The following LYPD6 variants were observed in gnomAD, a reference collection of about 807,000 sequenced individuals.
The protein encoded by LYPD6 is ly6/PLAUR domain-containing protein 6.
LYPD6 carries 15 observed loss-of-function variants against 22.7 expected under a neutral mutation model. The observed-to-expected ratio is 0.66, with a 90% CI of 0.44 to 1.02. LYPD6 has a LOEUF of 1.02. Among genes scored for constraint, LYPD6 ranks in the 50% least tolerant of loss-of-function variants. LYPD6 has a pLI of 0.00. For synonymous variants in LYPD6, 72 were observed against 77.5 expected, an observed-to-expected ratio of 0.93 and a Z score of 0.37; for missense variants, 189 against 208.4, an observed-to-expected ratio of 0.91 and a Z score of 0.57.
intron 1 of LYPD6, among the ~76,000 whole-genome samples, chr2:149,346,251 T>C (rs1353942268): frequency 1.4e-5 from 2 of 144,470 alleles, no homozygotes; most frequent in East Asian, 5.7e-4. Context: ...AATGTTTGTT[T>C]TTCTATTTAA....
intron 1 of LYPD6, among the ~76,000 whole-genome samples, chr2:149,422,595 T>G (rs1292615650): frequency 6.6e-6 from 1 of 152,180 alleles, no homozygotes. Flanking sequence ...ATACTTAAGA[T>G]TTTTTAGTGA....
At chr2:149,401,855 T>A (rs1295247664) in intron 1 of LYPD6, among the ~76,000 whole-genome samples, 1 of 152,038 alleles carries the variant, frequency 6.6e-6, no homozygotes, top group Non-Finnish European at 1.5e-5. Context: ...CTTTTATCCC[T>A]TGCCACCCCC....
At chr2:149,336,548 A>G (rs905732173) in intron 1 of LYPD6, among the ~76,000 whole-genome samples, 1 of 152,200 alleles carries the variant, frequency 6.6e-6, no homozygotes, top group African/African-American at 2.4e-5. Context: ...CTCTGTATTA[A>G]TGTGATGCTA....
At chr2:149,368,139 C>G (rs1280410674) in intron 1 of LYPD6, 1 of 152,194 alleles carries the variant, frequency 6.6e-6, no homozygotes, top group Non-Finnish European at 1.5e-5. Flanking sequence ...GGCTGTAAAC[C>G]TAATCCTAAG....
intron 1 of LYPD6, among the ~76,000 whole-genome samples, chr2:149,402,190 C>T (rs973785551): frequency 6.6e-6 from 1 of 150,874 alleles, no homozygotes; most frequent in African/African-American, 2.4e-5. Context: ...GCCATTATTT[C>T]ATTCCTTTTT....
At chr2:149,475,133 C>T (rs931862650), downstream of LYPD6, among the ~76,000 whole-genome samples, 5 of 152,146 alleles carry the variant, frequency 3.3e-5, no homozygotes, top group South Asian at 8.3e-4. Context: ...CATGCGAGCT[C>T]TATAAAAGTT....
In LYPD6 at chr2:149,381,209, G is replaced by C. The variant is rs146933044; in HGVS notation, c.-72+50487G>C. Among the ~76,000 whole-genome samples, 5 of 152,320 alleles carry C rather than the reference G, an allele frequency of 3.3e-5. No individual in the cohort carries two copies. In the East Asian group the frequency reaches 7.7e-4, roughly 24 times the overall value. ...GAGAAGAATAGTCTGGTACCTTATA[G>C]GGGAACTTCAGTCAGGAGGATTCTG... On this transcript the variant is annotated intron_variant, in intron 1 of 4. Transcript: ENST00000334166.
the LYPD6 span, among the ~76,000 whole-genome samples, chr2:149,481,951 G>A: frequency 1.3e-5 from 2 of 152,096 alleles, no homozygotes; most frequent in Admixed American, 6.5e-5. Context: ...GTTGCTTTTA[G>A]CCCAGATCAG....
Position 149,437,736 on chromosome 2 carries a change from C to T in LYPD6, c.28C>T (p.Leu10Phe). 6.2e-7 allele frequency: 1 copy of T among 1,614,194 alleles called. No homozygotes were observed. Among genetic ancestry groups the T allele is most frequent in the African/African-American group, 1.3e-5 (1 of 75,066 alleles). Reference protein sequence around the residue: MEPGPALAWLLLLSLLADCL... With the variant: MEPGPALAWFLLLSLLADCL... Reference sequence around the variant, plus strand: ...GGAACCTGGCCCTGCTCTGGCCTGGCTCCTGCTCCTGAGCCTGCTGGCGGA... The same window carrying T: ...GGAACCTGGCCCTGCTCTGGCCTGGTTCCTGCTCCTGAGCCTGCTGGCGGA... The change falls in exon 2 of 5, where the codon CTC (leucine) becomes TTC (phenylalanine). Residue 10 changes from leucine to phenylalanine, a missense_variant. Physicochemically the swap from Leu to Phe is conservative, Grantham distance 22 (BLOSUM62 0). Coordinates refer to ENST00000334166, the MANE Select transcript of LYPD6 (RefSeq NM_194317.5).
At chr2:149,438,917 A>G (rs1683494943) in intron 2 of LYPD6, among the ~76,000 whole-genome samples, 1 of 152,248 alleles carries the variant, frequency 6.6e-6, no homozygotes, top group South Asian at 2.1e-4. Flanking sequence ...TAAATTAAAA[A>G]TGTGTATGAA....
chr2:149,432,343 A>C (rs1216967696), intron 1 of LYPD6, among the ~76,000 whole-genome samples: 2 of 152,228 alleles, frequency 1.3e-5, no homozygotes, highest in Non-Finnish European at 1.5e-5. Context: ...AGTGAAAATC[A>C]CCCAATGTCT....
intron 1 of LYPD6, among the ~76,000 whole-genome samples, chr2:149,391,369 T>TC (rs563409939): frequency 3.3e-5 from 5 of 151,744 alleles, no homozygotes; most frequent in Admixed American, 1.3e-4. Flanking sequence ...CTCCCTTTTT[T>TC]CCCCCCCGAT....
intron 3 of LYPD6, among the ~76,000 whole-genome samples, chr2:149,466,213 A>G (rs2105179815): frequency 6.6e-6 from 1 of 152,318 alleles, no homozygotes; most frequent in Non-Finnish European, 1.5e-5. Context: ...CACATATAGA[A>G]GGTTCTCATA....
chr2:149,353,371 A>G (rs1681393356), intron 1 of LYPD6, among the ~76,000 whole-genome samples: 1 of 152,210 alleles, frequency 6.6e-6, no homozygotes, highest in Non-Finnish European at 1.5e-5. Flanking sequence ...CGGAGTGTTA[A>G]GGATAGGATG....
At chr2:149,464,139 CAAAA>C (rs892998811) in intron 3 of LYPD6, 1 of 379,182 alleles carries the variant, frequency 2.6e-6, no homozygotes, top group Admixed American at 4.1e-5. Context: ...AGTTTAAACA[CAAAA>C]AAATCAATTG....
chr2:149,370,652 T>A (rs1022466419), intron 1 of LYPD6: 15 of 152,138 alleles, frequency 9.9e-5, no homozygotes, highest in African/African-American at 3.6e-4. Context: ...ATAAATAAAT[T>A]ACCCGGTCTG....
At chr2:149,458,382 G>T (rs73964445) in intron 3 of LYPD6, among the ~76,000 whole-genome samples, 2 of 152,018 alleles carry the variant, frequency 1.3e-5, no homozygotes, top group African/African-American at 4.8e-5. Context: ...ACCCTTCACC[G>T]CCACCCATTG....
intron 3 of LYPD6, 47 bp from the exon 4 acceptor site, chr2:149,468,598 G>T (rs1573833353): frequency 6.3e-7 from 1 of 1,594,702 alleles, no homozygotes; most frequent in East Asian, 2.2e-5. Flanking sequence ...CTTTTAGGCA[G>T]GTTTGGTCAA....
At chr2:149,405,362 C>T (rs1191997720) in intron 1 of LYPD6, among the ~76,000 whole-genome samples, 2 of 152,240 alleles carry the variant, frequency 1.3e-5, no homozygotes, top group African/African-American at 2.4e-5. Context: ...TCCATCTGGT[C>T]CTGGACCCTT....
Sources: gnomAD v4.1 joint callset for allele counts (sites outside exome capture counted in the v4.1 genomes callset) on GRCh38, gnomAD v4.1.1 for gene constraint, MANE v1.5 for transcripts, NCBI Gene and HGNC (gene_info 2026-07-23, HGNC 2026-07-21) for gene names.